The following CCDC175 variants were observed in gnomAD, a reference collection of about 807,000 sequenced individuals.
CCDC175 encodes coiled-coil domain-containing protein 175.
A neutral mutation model predicts 114.6 loss-of-function variants in CCDC175; 100 were observed. The ratio of observed to expected loss-of-function variants is 0.87; its 90% CI spans 0.74 to 1.03. The LOEUF is 1.03. CCDC175 is among the 50% of genes least tolerant of loss of function. The pLI, the probability that CCDC175 is intolerant of heterozygous loss-of-function variation, is 0.00. For synonymous variants in CCDC175, 306 were observed against 308.7 expected, an observed-to-expected ratio of 0.99 and a Z score of 0.09; for missense variants, 880 against 917.8, an observed-to-expected ratio of 0.96 and a Z score of 0.53.
chr14:59,517,150 G>A (rs1486007886), intron 17 of CCDC175, among the ~76,000 whole-genome samples: 2 of 152,072 alleles, frequency 1.3e-5, no homozygotes, highest in African/African-American at 2.4e-5. Context: ...CAATAAATTC[G>A]GTATTGATGG....
At chr14:59,534,381 G>T (rs549629891) in intron 13 of CCDC175, among the ~76,000 whole-genome samples, 1 of 152,162 alleles carries the variant, frequency 6.6e-6, no homozygotes, top group South Asian at 2.1e-4. Flanking sequence ...AAGGTGGAGC[G>T]TTGGAAAAGA....
At chr14:59,511,522 A>T (rs1020591846) in intron 18 of CCDC175, among the ~76,000 whole-genome samples, 5 of 143,980 alleles carry the variant, frequency 3.5e-5, no homozygotes, top group Non-Finnish European at 7.5e-5. Context: ...TTTCCCAAAG[A>T]ATTAAGATTT....
In CCDC175 at chr14:59,542,235, C is replaced by T. The variant is rs547894637; in HGVS notation, c.1283+1109G>A. ...GACTCCTTGATTTCACTTTCATGCC[C>T]GACTGTTTTATATAATTCACTGTCA... On this transcript the variant is annotated intron_variant, in intron 10 of 19. Coordinates refer to ENST00000537690, the MANE Select transcript of CCDC175 (RefSeq NM_001164399.2). Among the ~76,000 whole-genome samples the T allele has an allele frequency of 2.5e-4, 38 of 152,172 alleles. 1 individual carries two copies. The highest frequency in any genetic ancestry group is 6.8e-3 in the Middle Eastern group (2 of 294).
chr14:59,557,662 G>C (rs1895994209), intron 7 of CCDC175, among the ~76,000 whole-genome samples: 1 of 149,382 alleles, frequency 6.7e-6, no homozygotes, highest in Non-Finnish European at 1.5e-5. Context: ...TTCCAGAAAA[G>C]TCATATTTCC....
chr14:59,557,346 C>T (rs1387669588), intron 7 of CCDC175, among the ~76,000 whole-genome samples: 1 of 151,668 alleles, frequency 6.6e-6, no homozygotes, highest in Non-Finnish European at 1.5e-5. Flanking sequence ...AACCATCATT[C>T]TCAGCAAACT....
chr14:59,505,358 C>T, intron 19 of CCDC175, 43 bp from the exon 20 acceptor site: 1 of 1,114,740 alleles, frequency 9.0e-7, no homozygotes, highest in East Asian at 2.6e-5. Context: ...ATTTGTATTG[C>T]ACACATTTGG....
chr14:59,521,178 G>A lies in CCDC175; in HGVS notation c.2098+396C>T, dbSNP rs950797528. On this transcript the variant is annotated intron_variant, in intron 17 of 19. Coordinates refer to ENST00000537690, the MANE Select transcript of CCDC175 (RefSeq NM_001164399.2). ...CCCACTCTCAATCTGGGTGGGAACC[G>A]TCTAATCAGCTGCCAGCGTGGCTAG... Among the ~76,000 whole-genome samples the A allele has an allele frequency of 3.9e-5, 6 of 152,164 alleles. 1 individual carries two copies. The highest frequency in any genetic ancestry group is 1.9e-4 in the East Asian group (1 of 5,188).
At chr14:59,537,471 A>C (rs1026709602) in intron 13 of CCDC175, among the ~76,000 whole-genome samples, 2 of 152,152 alleles carry the variant, frequency 1.3e-5, no homozygotes, top group Non-Finnish European at 2.9e-5. Context: ...GGCTTCTACC[A>C]CCATCCCTGT....
At chr14:59,557,471 TGG>T (rs1895976991) in intron 7 of CCDC175, among the ~76,000 whole-genome samples, 1 of 37,076 alleles carries the variant, frequency 2.7e-5, no homozygotes, top group South Asian at 8.4e-4. Flanking sequence ...TGTTGTGGGG[TGG>T]GGGGAGGGGG....
intron 14 of CCDC175, among the ~76,000 whole-genome samples, chr14:59,530,423 AAAAGG>A (rs1020837082): frequency 4.8e-5 from 7 of 146,282 alleles, no homozygotes; most frequent in South Asian, 2.4e-4. Context: ...AGAAAGAAAG[AAAAGG>A]AAAGGAAAGG....
intron 7 of CCDC175, among the ~76,000 whole-genome samples, chr14:59,553,196 G>A (rs910508312): frequency 1.3e-5 from 2 of 152,196 alleles, no homozygotes; most frequent in South Asian, 2.1e-4. Flanking sequence ...AGGAAAAAAT[G>A]TTAAGGGCAG....
At chr14:59,533,197 C>T (rs978749398) in intron 13 of CCDC175, among the ~76,000 whole-genome samples, 18 of 152,168 alleles carry the variant, frequency 1.2e-4, no homozygotes, top group Admixed American at 4.6e-4. Flanking sequence ...ATCTCTTGGA[C>T]GTATCTTCCA....
chr14:59,516,134 G>A (rs572608795), intron 17 of CCDC175, among the ~76,000 whole-genome samples: 8 of 152,048 alleles, frequency 5.3e-5, no homozygotes, highest in East Asian at 3.9e-4. Context: ...ACAAAGACAC[G>A]ACATACCAGA....
At chr14:59,513,490 T>C (rs1005588852) in intron 17 of CCDC175, among the ~76,000 whole-genome samples, 7 of 152,146 alleles carry the variant, frequency 4.6e-5, no homozygotes, top group Non-Finnish European at 1.0e-4. Flanking sequence ...TTTCCAACTG[T>C]CTTAGCAAAC....
chr14:59,550,409 A>AT (rs890977249), intron 8 of CCDC175, among the ~76,000 whole-genome samples: 15 of 151,230 alleles, frequency 9.9e-5, no homozygotes, highest in African/African-American at 7.3e-5. Context: ...TTATGATATG[A>AT]TTTTTTTTTA....
chr14:59,547,841 T>C (rs1895208728), intron 8 of CCDC175, among the ~76,000 whole-genome samples: 1 of 152,196 alleles, frequency 6.6e-6, no homozygotes, highest in Non-Finnish European at 1.5e-5. Context: ...TAATAAATTA[T>C]ATTCATCAAA....
At position 59,576,668 on chromosome 14, in the gene CCDC175, G is replaced by T; in HGVS notation, c.108C>A (p.Thr36=). 1 of 1,484,036 alleles carries T rather than the reference G, an allele frequency of 6.7e-7. No individual in the cohort carries two copies. Among genetic ancestry groups the T allele is most frequent in the South Asian group, 1.3e-5 (1 of 78,068 alleles). The allele number at this position is 1,484,036 out of a possible 1,614,324, so 91.9% of individuals were successfully genotyped here. The part of the protein sequence containing the change: ...PSLELCTLPS[T]LGSSVAVEAL... ...CCTCGACCGCGACCGAGGAGCCCAG[G>T]GTGGAGGGTAAGGTGCATAACTCCA... Residue 36 remains threonine, a synonymous_variant, in exon 1 of 20, where the codon ACC becomes ACA. Coordinates refer to ENST00000537690, the MANE Select transcript of CCDC175 (RefSeq NM_001164399.2).
intron 6 of CCDC175, among the ~76,000 whole-genome samples, chr14:59,561,702 G>C (rs1037240435): frequency 2.6e-5 from 4 of 152,096 alleles, no homozygotes; most frequent in Admixed American, 6.6e-5. Context: ...TTAGGAAATG[G>C]AATAATTGGA....
chr14:59,573,581 T>TA (rs1419636394), intron 2 of CCDC175, among the ~76,000 whole-genome samples: 2 of 151,006 alleles, frequency 1.3e-5, no homozygotes, highest in African/African-American at 2.4e-5. Context: ...GTATTACTTT[T>TA]AAAAATAAAA....
Sources: allele counts gnomAD v4.1 joint callset (sites outside exome capture counted in the v4.1 genomes callset), GRCh38; gene constraint gnomAD v4.1.1; transcripts MANE v1.5; gene names NCBI Gene and HGNC (gene_info 2026-07-23, HGNC 2026-07-21).